The following IL1RAPL1 variants were observed in gnomAD, a reference collection of about 807,000 sequenced individuals.
IL1RAPL1 encodes the protein interleukin-1 receptor accessory protein-like 1.
Under a neutral mutation model 48.4 loss-of-function variants are expected in IL1RAPL1, and 3 were observed. The observed-to-expected ratio is 0.06, with a 90% CI of 0.03 to 0.16. The LOEUF (loss-of-function observed/expected upper bound fraction) is 0.16, where lower values mean the gene tolerates loss of function less well. IL1RAPL1 is among the 10% of genes least tolerant of loss of function. The probability of loss-of-function intolerance (pLI) is 1.00; values close to 1 mark genes in which losing one functional copy is unlikely to be tolerated. For missense variants in IL1RAPL1, 349 were observed against 530.6 expected, an observed-to-expected ratio of 0.66 and a Z score of 3.36; for synonymous variants, 185 against 187.7, an observed-to-expected ratio of 0.99 and a Z score of 0.12.
At chrX:29,535,105 G>A (rs1921179796) in intron 5 of IL1RAPL1, among the ~76,000 whole-genome samples, 1 of 82,748 alleles carries the variant, frequency 1.2e-5, no homozygotes, top group Non-Finnish European at 2.2e-5. Flanking sequence ...CTGAACTCCA[G>A]CCTGGGCAAT....
chrX:28,683,738 C>G (rs1015616797), intron 1 of IL1RAPL1, among the ~76,000 whole-genome samples: 3 of 112,527 alleles, frequency 2.7e-5, no homozygotes, highest in African/African-American at 9.7e-5. Context: ...TCTGGAGGCT[C>G]TAGTTAAGAA....
At chrX:29,727,176 T>C (rs200092972) in intron 6 of IL1RAPL1, among the ~76,000 whole-genome samples, 1 of 112,187 alleles carries the variant, frequency 8.9e-6, no homozygotes, top group East Asian at 2.8e-4. Context: ...AAAAGACACA[T>C]TTAAGAATTT....
intron 8 of IL1RAPL1, among the ~76,000 whole-genome samples, chrX:29,925,060 A>G (rs1932874677): frequency 9.0e-6 from 1 of 111,450 alleles, no homozygotes; most frequent in Non-Finnish European, 1.9e-5. Context: ...TTATTTACTG[A>G]GAGTTACAGT....
intron 5 of IL1RAPL1, among the ~76,000 whole-genome samples, chrX:29,420,909 G>A (rs1934282861): frequency 9.0e-6 from 1 of 111,581 alleles, no homozygotes; most frequent in African/African-American, 3.3e-5. Flanking sequence ...TAATCCTAAT[G>A]AGCCATAACA....
At chrX:29,137,999 C>G (rs1929166220) in intron 2 of IL1RAPL1, among the ~76,000 whole-genome samples, 1 of 112,508 alleles carries the variant, frequency 8.9e-6, no homozygotes, top group Non-Finnish European at 1.9e-5. Context: ...TTTATTTTAG[C>G]TTTTCTAAAT....
intron 5 of IL1RAPL1, among the ~76,000 whole-genome samples, chrX:29,570,813 G>A (rs774961226): frequency 8.9e-6 from 1 of 112,545 alleles, no homozygotes; most frequent in Admixed American, 9.4e-5. Context: ...TGATAAGAGT[G>A]TCTAATCTTT....
rs952045306 is a variant in IL1RAPL1, at chrX:29,578,034, C to T, written c.704-90396C>T. On this transcript the variant is annotated intron_variant, in intron 5 of 10. Transcript: ENST00000378993. ...CCCAGGTATCAGTATATATAAAGTT[C>T]CCAGGTAATTAGATTGTGAGGCCCA... 4.5e-5 allele frequency among the ~76,000 whole-genome samples: 5 copies of T among 111,782 alleles called. No individual in the cohort carries two copies. In the East Asian group the frequency reaches 1.1e-3, roughly 25 times the overall value.
At chrX:29,609,799 C>A (rs180933195) in intron 5 of IL1RAPL1, among the ~76,000 whole-genome samples, 2 of 112,141 alleles carry the variant, frequency 1.8e-5, no homozygotes, top group East Asian at 5.6e-4. Context: ...TGTCTGCCAC[C>A]AAACTTATTG....
At chrX:28,704,772 A>G (rs1278625648) in intron 1 of IL1RAPL1, among the ~76,000 whole-genome samples, 1 of 89,621 alleles carries the variant, frequency 1.1e-5, no homozygotes, top group Non-Finnish European at 2.1e-5. Flanking sequence ...TCTCTCTGGC[A>G]GCGGCAAGTT....
chrX:29,192,289 A>G (rs780944132), intron 2 of IL1RAPL1, among the ~76,000 whole-genome samples: 1 of 112,061 alleles, frequency 8.9e-6, no homozygotes, highest in South Asian at 3.7e-4. Flanking sequence ...TTTAAATTGC[A>G]TTACATAATT....
chrX:29,811,871 A>G (rs1323205135), intron 6 of IL1RAPL1, among the ~76,000 whole-genome samples: 2 of 112,054 alleles, frequency 1.8e-5, no homozygotes, highest in Non-Finnish European at 3.8e-5. Flanking sequence ...AAATTCATTT[A>G]TAATTTCACT....
At chrX:28,599,783 C>T in intron 1 of IL1RAPL1, among the ~76,000 whole-genome samples, 1 of 111,730 alleles carries the variant, frequency 9.0e-6, no homozygotes, top group Admixed American at 9.4e-5. Flanking sequence ...AAACAGACTC[C>T]GAGATGAAGA....
chrX:29,440,708 A>G (rs1934538835), intron 5 of IL1RAPL1, among the ~76,000 whole-genome samples: 1 of 112,385 alleles, frequency 8.9e-6, no homozygotes, highest in Admixed American at 9.4e-5. Context: ...CCTTTCCAAT[A>G]TTTGTCAAAT....
intron 6 of IL1RAPL1, among the ~76,000 whole-genome samples, chrX:29,893,043 GATCTT>G (rs752727086): frequency 1.8e-5 from 2 of 111,563 alleles, no homozygotes; most frequent in East Asian, 5.7e-4. Flanking sequence ...TCACCTAGTA[GATCTT>G]ATCTTAATCA....
chrX:29,899,545 ATT>A (rs369479445), intron 6 of IL1RAPL1, among the ~76,000 whole-genome samples: 10 of 99,441 alleles, frequency 1.0e-4, no homozygotes, highest in Non-Finnish European at 8.2e-5. Context: ...ACAGTGAATA[ATT>A]TTTTTTTTTT....
At chrX:29,867,189 A>T (rs764649768) in intron 6 of IL1RAPL1, among the ~76,000 whole-genome samples, 1 of 111,908 alleles carries the variant, frequency 8.9e-6, no homozygotes, top group African/African-American at 3.2e-5. Context: ...TATATGTTTC[A>T]GTTAACATTA....
chrX:28,987,262 C>T (rs1419817785), intron 2 of IL1RAPL1, among the ~76,000 whole-genome samples: 1 of 112,227 alleles, frequency 8.9e-6, no homozygotes, highest in East Asian at 2.8e-4. Context: ...TTGAGTTCTC[C>T]ATGCTGTGTG....
intron 3 of IL1RAPL1, among the ~76,000 whole-genome samples, chrX:29,324,868 A>C (rs777957805): frequency 6.3e-5 from 7 of 111,761 alleles, no homozygotes; most frequent in Non-Finnish European, 1.3e-4. Context: ...TGTTGGTATT[A>C]TTCAATGATA....
intron 6 of IL1RAPL1, among the ~76,000 whole-genome samples, chrX:29,851,011 G>C (rs866174539): frequency 9.0e-6 from 1 of 111,482 alleles, no homozygotes; most frequent in African/African-American, 3.3e-5. Flanking sequence ...CTGAATCCCA[G>C]TATCTGTCCA....
Sources: allele counts gnomAD v4.1 joint callset (sites outside exome capture counted in the v4.1 genomes callset), GRCh38; gene constraint gnomAD v4.1.1; transcripts MANE v1.5; gene names NCBI Gene and HGNC (gene_info 2026-07-23, HGNC 2026-07-21).